The following FAM107B variants were observed in gnomAD, a reference collection of about 807,000 sequenced individuals.
FAM107B encodes protein FAM107B.
A neutral mutation model predicts 31.5 loss-of-function variants in FAM107B; 21 were observed. That is an observed-to-expected ratio of 0.67 (90% CI 0.47 to 0.96). The LOEUF (loss-of-function observed/expected upper bound fraction) is 0.96, where lower values mean the gene tolerates loss of function less well. Among genes scored for constraint, FAM107B ranks in the 40% least tolerant of loss-of-function variants. The probability of loss-of-function intolerance (pLI) is 0.00; values close to 1 mark genes in which losing one functional copy is unlikely to be tolerated. For missense variants in FAM107B, 452 were observed against 377.1 expected (o/e 1.20, Z -1.64); for synonymous variants, 157 against 141.5 (o/e 1.11, Z -0.78).
chr10:14,561,185 T>G (rs1850208929), intron 2 of FAM107B, among the ~76,000 whole-genome samples: 1 of 152,238 alleles, frequency 6.6e-6, no homozygotes, highest in South Asian at 2.1e-4. Context: ...GTCTATTAAG[T>G]GCCAGGCACT....
intron 2 of FAM107B, among the ~76,000 whole-genome samples, chr10:14,531,648 C>T (rs1419772756): frequency 6.6e-6 from 1 of 151,804 alleles, no homozygotes; most frequent in African/African-American, 2.4e-5. Context: ...TTGAGACCAG[C>T]CTGGCCAATA....
intron 2 of FAM107B, among the ~76,000 whole-genome samples, chr10:14,631,590 G>A (rs1043828412): frequency 2.6e-5 from 4 of 152,028 alleles, no homozygotes; most frequent in Non-Finnish European, 5.9e-5. Flanking sequence ...ACCATGCCCC[G>A]CCCCAAACCT....
chr10:14,619,934 C>G (rs560109920), intron 2 of FAM107B, among the ~76,000 whole-genome samples: 1 of 149,504 alleles, frequency 6.7e-6, no homozygotes, highest in East Asian at 1.9e-4. Flanking sequence ...AGGACTATGT[C>G]TTATACATTG....
At chr10:14,732,001 T>C (rs910637073) in intron 1 of FAM107B, among the ~76,000 whole-genome samples, 1 of 152,180 alleles carries the variant, frequency 6.6e-6, no homozygotes, top group African/African-American at 2.4e-5. Flanking sequence ...ATGCTACTGT[T>C]TCTGAGATGA....
intron 2 of FAM107B, among the ~76,000 whole-genome samples, chr10:14,597,600 C>T (rs1588645928): frequency 1.3e-5 from 2 of 152,098 alleles, no homozygotes; most frequent in Admixed American, 1.3e-4. Context: ...AAGCTCCCAT[C>T]CTCCAAGTGT....
At chr10:14,540,038 C>T (rs1366606401) in intron 2 of FAM107B, among the ~76,000 whole-genome samples, 1 of 152,228 alleles carries the variant, frequency 6.6e-6, no homozygotes, top group Admixed American at 6.5e-5. Context: ...GACACACAGG[C>T]AGAGCCTGCT....
chr10:14,671,620 C>A (rs528592698), intron 1 of FAM107B, among the ~76,000 whole-genome samples: 1 of 152,118 alleles, frequency 6.6e-6, no homozygotes, highest in African/African-American at 2.4e-5. Context: ...CTCTGGACTT[C>A]TGGGAAAATG....
intron 2 of FAM107B, among the ~76,000 whole-genome samples, chr10:14,603,714 C>T (rs1050797500): frequency 6.6e-6 from 1 of 152,166 alleles, no homozygotes; most frequent in African/African-American, 2.4e-5. Context: ...AGAGAAGAGG[C>T]AAAAGAGGAA....
intron 2 of FAM107B, among the ~76,000 whole-genome samples, chr10:14,580,252 T>C (rs549820154): frequency 1.3e-4 from 20 of 151,948 alleles, no homozygotes; most frequent in Non-Finnish European, 2.1e-4. Context: ...CCCAGCTACT[T>C]GGGAGGCTGA....
chr10:14,724,654 G>C (rs990341672), intron 1 of FAM107B, among the ~76,000 whole-genome samples: 3 of 151,844 alleles, frequency 2.0e-5, no homozygotes, highest in African/African-American at 7.3e-5. Flanking sequence ...GCGTTCCCTA[G>C]GATGAGAAGC....
At chr10:14,735,839 A>G (rs1299644479) in intron 1 of FAM107B, among the ~76,000 whole-genome samples, 2 of 152,128 alleles carry the variant, frequency 1.3e-5, no homozygotes, top group Non-Finnish European at 2.9e-5. Context: ...AGCCATGGTC[A>G]CACCTAAGAT....
At chr10:14,677,658 A>T (rs10906743) in intron 1 of FAM107B, among the ~76,000 whole-genome samples, 28,672 of 151,998 alleles carry the variant, frequency 0.19, 2,806 homozygotes, top group South Asian at 0.3. Context: ...TACAGATACC[A>T]GAACCCCACA....
intron 1 of FAM107B, among the ~76,000 whole-genome samples, chr10:14,767,020 G>GTGTATATATATATA (rs1354065285): frequency 3.3e-4 from 10 of 30,386 alleles, no homozygotes; most frequent in African/African-American, 7.7e-4. Context: ...TCCCTGATGT[G>GTGTATATATATATA]TATGTATATA....
In FAM107B at chr10:14,728,881, T is replaced by C. The variant is rs570827415; in HGVS notation, c.411+45372A>G. ...TTTAGATTCAGGCCTGATGGGGAAA[T>C]GGCACAATGTTCTTCCCTATTAATC... On this transcript the variant is annotated intron_variant, in intron 1 of 4. Coordinates refer to ENST00000181796, the MANE Select transcript of FAM107B (RefSeq NM_031453.4). 2.0e-5 allele frequency among the ~76,000 whole-genome samples: 3 copies of C among 152,316 alleles called. No homozygotes were observed. The South Asian group carries it at 6.2e-4, about 32-fold the overall frequency.
intron 1 of FAM107B, among the ~76,000 whole-genome samples, chr10:14,672,020 A>AG (rs1854568849): frequency 6.6e-6 from 1 of 151,952 alleles, no homozygotes; most frequent in Non-Finnish European, 1.5e-5. Context: ...ATCAGGAGTC[A>AG]GGCATGCATT....
At chr10:14,547,767 C>T (rs1848834190) in intron 2 of FAM107B, among the ~76,000 whole-genome samples, 2 of 152,156 alleles carry the variant, frequency 1.3e-5, no homozygotes, top group African/African-American at 4.8e-5. Flanking sequence ...ACCTTAATGC[C>T]AGAAACAACG....
intron 2 of FAM107B, among the ~76,000 whole-genome samples, chr10:14,658,721 G>A (rs1854139234): frequency 6.6e-6 from 1 of 152,174 alleles, no homozygotes; most frequent in South Asian, 2.1e-4. Flanking sequence ...GCTTCAGCAA[G>A]TTTAAAAAGA....
intron 2 of FAM107B, among the ~76,000 whole-genome samples, chr10:14,647,395 C>A (rs1853784335): frequency 6.6e-6 from 1 of 151,990 alleles, no homozygotes; most frequent in Admixed American, 6.6e-5. Context: ...ATTGCTAATT[C>A]AGTCTGGGTG....
At chr10:14,632,614 A>G (rs1853395741) in intron 2 of FAM107B, among the ~76,000 whole-genome samples, 2 of 151,034 alleles carry the variant, frequency 1.3e-5, no homozygotes, top group Non-Finnish European at 3.0e-5. Context: ...CTGTCTCAAA[A>G]AAAAAAAAAA....
Sources: gnomAD v4.1 joint callset for allele counts (sites outside exome capture counted in the v4.1 genomes callset) on GRCh38, gnomAD v4.1.1 for gene constraint, MANE v1.5 for transcripts, NCBI Gene and HGNC (gene_info 2026-07-23, HGNC 2026-07-21) for gene names.